Variants in OGDH observed in about 807,000 individuals in gnomAD.
OGDH encodes the protein 2-oxoglutarate dehydrogenase complex component E1.
A neutral mutation model predicts 116.6 loss-of-function variants in OGDH; 38 were observed. The ratio of observed to expected loss-of-function variants is 0.33; its 90% CI spans 0.25 to 0.43. OGDH has a LOEUF of 0.43. OGDH is among the 20% of genes least tolerant of loss of function. The probability of loss-of-function intolerance (pLI) is 1.00; values close to 1 mark genes in which losing one functional copy is unlikely to be tolerated. For synonymous variants in OGDH, 488 were observed against 533.3 expected, an observed-to-expected ratio of 0.92 and a Z score of 1.17; for missense variants, 825 against 1,357.2, an observed-to-expected ratio of 0.61 and a Z score of 6.16.
At chr7:44,658,234 C>T (rs114479679) in intron 4 of OGDH, among the ~76,000 whole-genome samples, 39 of 152,266 alleles carry the variant, frequency 2.6e-4, no homozygotes, top group African/African-American at 9.4e-4. Flanking sequence ...AATCCATGCA[C>T]ATAGTATGTC....
intron 4 of OGDH, among the ~76,000 whole-genome samples, chr7:44,658,837 T>C (rs1022082799): frequency 2.0e-5 from 3 of 152,062 alleles, no homozygotes; most frequent in Non-Finnish European, 4.4e-5. Context: ...GATTTATTAT[T>C]ATTATTATTA....
intron 3 of OGDH, among the ~76,000 whole-genome samples, chr7:44,645,885 G>A (rs1786153809): frequency 6.6e-6 from 1 of 152,170 alleles, no homozygotes; most frequent in South Asian, 2.1e-4. Flanking sequence ...GCTTTTGGGT[G>A]GTTGATGCCC....
intron 2 of OGDH, among the ~76,000 whole-genome samples, chr7:44,627,377 A>C (rs1375038989): frequency 6.6e-6 from 1 of 152,250 alleles, no homozygotes; most frequent in Non-Finnish European, 1.5e-5. Context: ...TTTAGGATCC[A>C]TAGCCTTAGA....
chr7:44,703,265 AATTAGCAGGGTGTGGTGGTGC>A (rs1394771447), intron 20 of OGDH, among the ~76,000 whole-genome samples: 3 of 151,890 alleles, frequency 2.0e-5, no homozygotes, highest in African/African-American at 7.3e-5. Flanking sequence ...AAAATACAAA[AATTAGCAGGGTGTGGTGGTGC>A]ACGCCCTGCT....
chr7:44,706,361 GC>G (rs967672580), intron 20 of OGDH, among the ~76,000 whole-genome samples: 2 of 141,514 alleles, frequency 1.4e-5, no homozygotes, highest in Non-Finnish European at 3.1e-5. Context: ...TGCTCTTGTT[GC>G]CCAGGCTGGA....
chr7:44,644,438 A>T (rs1786082306), intron 2 of OGDH, among the ~76,000 whole-genome samples: 1 of 152,246 alleles, frequency 6.6e-6, no homozygotes, highest in Non-Finnish European at 1.5e-5. Flanking sequence ...TTTCTAAGGA[A>T]ATTCAAACTG....
intron 2 of OGDH, among the ~76,000 whole-genome samples, chr7:44,626,658 T>A (rs1017709734): frequency 8.5e-5 from 13 of 152,216 alleles, no homozygotes; most frequent in African/African-American, 3.1e-4. Flanking sequence ...GCCACAGTGC[T>A]GTGGACACTG....
chr7:44,645,649 C>A, intron 3 of OGDH, 131 bp downstream of exon 3: 4 of 854,202 alleles, frequency 4.7e-6, no homozygotes, highest in Non-Finnish European at 6.9e-6. Context: ...TAGGTGCTTT[C>A]TCCCTGCTTT....
At chr7:44,626,855 G>A (rs1164268609) in intron 2 of OGDH, among the ~76,000 whole-genome samples, 1 of 152,182 alleles carries the variant, frequency 6.6e-6, no homozygotes, top group Non-Finnish European at 1.5e-5. Context: ...GGTTAAAAGT[G>A]GGCGTGCCCT....
chr7:44,706,323 AT>A (rs111830281), intron 20 of OGDH, among the ~76,000 whole-genome samples: 33,055 of 142,302 alleles, frequency 0.23, 6,577 homozygotes, highest in African/African-American at 0.53. Context: ...TTTTTATATA[AT>A]TTTTTTTTTT....
At chr7:44,686,608 T>G (rs1202576446) in intron 10 of OGDH, among the ~76,000 whole-genome samples, 1 of 151,772 alleles carries the variant, frequency 6.6e-6, no homozygotes, top group East Asian at 1.9e-4. Context: ...ATTCCCTTCC[T>G]AAATGATTGG....
intron 17 of OGDH, 62 bp from the exon 18 acceptor site, chr7:44,698,130 C>A: frequency 6.4e-7 from 1 of 1,563,478 alleles, no homozygotes; most frequent in South Asian, 1.1e-5. Context: ...GGAGGAACAG[C>A]AGATGCGGCA....
chr7:44,616,104 A>G (rs939164079), intron 1 of OGDH, among the ~76,000 whole-genome samples: 9 of 151,118 alleles, frequency 6.0e-5, no homozygotes, highest in African/African-American at 1.9e-4. Context: ...CCTTCTCTCC[A>G]CCTTTCACAG....
chr7:44,609,201 G>A (rs12112075), intron 1 of OGDH, among the ~76,000 whole-genome samples: 2,628 of 152,058 alleles, frequency 0.017, 73 homozygotes, highest in African/African-American at 0.059. Flanking sequence ...AGGTTGTTGC[G>A]TGTTATGGGT....
chr7:44,693,828 G>A lies in OGDH; in HGVS notation c.1339G>A (p.Gly447Ser), dbSNP rs1196671461. The A allele has an allele frequency of 2.5e-6, 4 of 1,585,208 alleles. No individual in the cohort carries two copies. Among genetic ancestry groups the A allele is most frequent in the Non-Finnish European group, 2.6e-6 (3 of 1,159,694 alleles). ...CTAGGCTACATGTTCCTTGCAGATC[G>A]GCTTCACCACCGACCCTCGGATGGC... Reference protein sequence around the residue: ...TVHVVVNNQIGFTTDPRMARS... With the variant: ...TVHVVVNNQISFTTDPRMARS... The change falls in exon 11 of 23, where the codon GGC (glycine) becomes AGC (serine). Residue 447 changes from glycine (G) to serine (S), a missense_variant. By Grantham distance (56) the Gly-to-Ser change is moderately conservative. This residue lies in a region of OGDH where 146 missense variants were observed against 317.3 expected (regional missense o/e 0.46). Coordinates refer to ENST00000222673, the MANE Select transcript of OGDH (RefSeq NM_002541.4).
intron 10 of OGDH, 57 bp downstream of exon 10, chr7:44,681,905 T>A (rs1787943747): frequency 1.3e-6 from 2 of 1,583,626 alleles, no homozygotes; most frequent in Non-Finnish European, 8.6e-7. Context: ...TAGAATGACA[T>A]CTCTGAGTCA....
chr7:44,647,410 C>T, intron 3 of OGDH: 1 of 1,449,302 alleles, frequency 6.9e-7, no homozygotes, highest in Non-Finnish European at 9.4e-7. Flanking sequence ...CTCACTGGAT[C>T]TGCTTAATGA....
intron 10 of OGDH, among the ~76,000 whole-genome samples, chr7:44,687,382 G>A (rs1371871978): frequency 1.3e-5 from 2 of 151,340 alleles, no homozygotes; most frequent in African/African-American, 4.9e-5. Flanking sequence ...ACAGGCATGA[G>A]CCACCATGGC....
chr7:44,687,091 ATTTTTTTTTTT>A (rs59074567), intron 10 of OGDH, among the ~76,000 whole-genome samples: 1 of 95,538 alleles, frequency 1.0e-5, no homozygotes, highest in African/African-American at 4.3e-5. Context: ...ATTTTTTTTA[ATTTTTTTTTTT>A]TTTTTTTTTT....
Sources: allele counts gnomAD v4.1 joint callset (sites outside exome capture counted in the v4.1 genomes callset), GRCh38; gene constraint gnomAD v4.1.1; regional missense constraint gnomAD v4.1.1; transcripts MANE v1.5; gene names NCBI Gene and HGNC (gene_info 2026-07-23, HGNC 2026-07-21).